The following PGM2L1 variants were observed in gnomAD, a reference collection of about 807,000 sequenced individuals.
PGM2L1 encodes phosphoglucomutase 2 like 1.
In PGM2L1, 35 loss-of-function variants were observed where a neutral mutation model predicts 73.4. The observed-to-expected ratio is 0.48, with a 90% CI of 0.36 to 0.63. PGM2L1 has a LOEUF of 0.63. Ranked by LOEUF, PGM2L1 falls within the 30% of genes least tolerant of loss-of-function variation. The pLI, the probability that PGM2L1 is intolerant of heterozygous loss-of-function variation, is 0.00. For synonymous variants in PGM2L1, 225 were observed against 253.8 expected, an observed-to-expected ratio of 0.89 and a Z score of 1.08; for missense variants, 570 against 742.0, an observed-to-expected ratio of 0.77 and a Z score of 2.69.
At chr11:74,365,596 C>T (rs1055505011) in intron 5 of PGM2L1, among the ~76,000 whole-genome samples, 2 of 152,088 alleles carry the variant, frequency 1.3e-5, no homozygotes, top group Non-Finnish European at 2.9e-5. Context: ...ATGCAGCCAA[C>T]AGACACATGA....
chr11:74,375,853 A>G (rs1431183113), intron 1 of PGM2L1, among the ~76,000 whole-genome samples: 1 of 152,232 alleles, frequency 6.6e-6, no homozygotes, highest in African/African-American at 2.4e-5. Flanking sequence ...AAATATGAAT[A>G]GCTATTATGG....
chr11:74,336,301 T>C lies in PGM2L1; in HGVS notation c.*351A>G, dbSNP rs1862094124. 1 of 156,870 alleles carries C rather than the reference T, an allele frequency of 6.4e-6. No homozygotes were observed. The highest frequency in any genetic ancestry group is 1.4e-5 in the Non-Finnish European group (1 of 71,382). 9.7% of individuals were successfully genotyped at this position (156,870 alleles called of 1,614,324 possible). ...TTTTTTTTTTTCTTTTACCATGCTA[T>C]ACACAATTACGAGATACAGAACTAG... is the stretch of plus-strand genomic sequence containing the variant. On this transcript the variant is annotated 3_prime_UTR_variant, in exon 14 of 14. Transcript: ENST00000298198.
intron 6 of PGM2L1, among the ~76,000 whole-genome samples, chr11:74,350,476 C>A (rs573886983): frequency 6.6e-6 from 1 of 152,230 alleles, no homozygotes; most frequent in Non-Finnish European, 1.5e-5. Flanking sequence ...AATTCACATA[C>A]CATATAATTC....
Position 74,330,335 on chromosome 11 carries a change from A to G in PGM2L1, c.*6317T>C, listed in dbSNP as rs1454821068. Reference sequence around the variant, plus strand: ...CTCATGCCTATGAAGAGACCTGTTTATTACTGATAACACTTCATTTGGCTA... The same window carrying G: ...CTCATGCCTATGAAGAGACCTGTTTGTTACTGATAACACTTCATTTGGCTA... On this transcript the variant is annotated 3_prime_UTR_variant, in exon 14 of 14. Coordinates refer to ENST00000298198, the MANE Select transcript of PGM2L1 (RefSeq NM_173582.6). The G allele has an allele frequency of 2.0e-5, 3 of 152,676 alleles. No homozygotes were observed. Among genetic ancestry groups the G allele is most frequent in the African/African-American group, 7.2e-5 (3 of 41,466 alleles). The allele number at this position is 152,676 out of a possible 1,614,324, so 9.5% of individuals were successfully genotyped here.
chr11:74,350,905 GAGAGAGAGAGAGAA>G (rs1236976385), intron 6 of PGM2L1, among the ~76,000 whole-genome samples: 7,993 of 150,634 alleles, frequency 0.053, 659 homozygotes, highest in African/African-American at 0.19. Flanking sequence ...GAAAGAGAGA[GAGAGAGAGAGAGAA>G]AGAGAGAGAG....
chr11:74,365,673 C>G (rs1299656527), intron 5 of PGM2L1, among the ~76,000 whole-genome samples: 2 of 152,160 alleles, frequency 1.3e-5, no homozygotes, highest in Non-Finnish European at 2.9e-5. Flanking sequence ...TACCATCTCA[C>G]ACCAGTTAGA....
intron 1 of PGM2L1, among the ~76,000 whole-genome samples, chr11:74,381,136 T>C (rs1406071487): frequency 6.6e-6 from 1 of 152,190 alleles, no homozygotes; most frequent in Non-Finnish European, 1.5e-5. Flanking sequence ...TCCAGTAGCA[T>C]CTATTACTAG....
At chr11:74,381,088 TG>T (rs1256557800) in intron 1 of PGM2L1, among the ~76,000 whole-genome samples, 1 of 152,168 alleles carries the variant, frequency 6.6e-6, no homozygotes, top group Non-Finnish European at 1.5e-5. Flanking sequence ...TGTCAGTAAG[TG>T]ATCATGTGAG....
rs1428435051 is a variant in PGM2L1, at chr11:74,336,655, A to T, written c.1866T>A (p.Val622=). ...GTCATGACATATTGGTGTACCCCTA[A>T]ACAGAACGCCAGATCAGTCCATTCT... ...PSKNGLIWRS[V] Residue 622 remains valine, a synonymous_variant, in exon 14 of 14, where the codon GTT becomes GTA. Coordinates refer to ENST00000298198, the MANE Select transcript of PGM2L1 (RefSeq NM_173582.6). The T allele has an allele frequency of 1.9e-6, 3 of 1,601,854 alleles. No homozygotes were observed. In the South Asian group the frequency reaches 3.3e-5, roughly 18 times the overall value.
chr11:74,375,689 T>A (rs568960932), intron 1 of PGM2L1, among the ~76,000 whole-genome samples: 1 of 152,232 alleles, frequency 6.6e-6, no homozygotes, highest in Non-Finnish European at 1.5e-5. Context: ...ATAGTAGAAA[T>A]TAAAGTAACC....
chr11:74,337,443 T>C (rs1168441714), intron 13 of PGM2L1, among the ~76,000 whole-genome samples: 1 of 152,230 alleles, frequency 6.6e-6, no homozygotes, highest in Non-Finnish European at 1.5e-5. Flanking sequence ...GGAAATGAAA[T>C]CTATCCTTAA....
chr11:74,361,235 T>C (rs1862558748), intron 5 of PGM2L1, among the ~76,000 whole-genome samples: 1 of 152,208 alleles, frequency 6.6e-6, no homozygotes, highest in Non-Finnish European at 1.5e-5. Context: ...ACATTTGCTG[T>C]TCAGCAATAT....
chr11:74,341,312 T>G (rs574278747), intron 12 of PGM2L1, among the ~76,000 whole-genome samples: 85 of 152,326 alleles, frequency 5.6e-4, no homozygotes, highest in African/African-American at 1.7e-3. Flanking sequence ...TTGATGCAGG[T>G]GAACCCCCAA....
chr11:74,379,034 T>C (rs952065118), intron 1 of PGM2L1, among the ~76,000 whole-genome samples: 6 of 152,304 alleles, frequency 3.9e-5, no homozygotes, highest in African/African-American at 7.2e-5. Context: ...CAATGAGAAG[T>C]GCGTTAGTTT....
chr11:74,347,643 A>G (rs1245457029), intron 6 of PGM2L1, among the ~76,000 whole-genome samples: 1 of 152,188 alleles, frequency 6.6e-6, no homozygotes, highest in Non-Finnish European at 1.5e-5. Flanking sequence ...CTAGACCATC[A>G]CAAACACTTC....
intron 12 of PGM2L1, among the ~76,000 whole-genome samples, chr11:74,341,874 AGTTCGTGGAACCAAGG>A (rs1336601400): frequency 6.6e-6 from 1 of 152,166 alleles, no homozygotes; most frequent in African/African-American, 2.4e-5. Flanking sequence ...AAGTGTGAGG[AGTTCGTGGAACCAAGG>A]GTTCCTCCAC....
At position 74,351,975 on chromosome 11, in the gene PGM2L1, AAT is replaced by A. The variant is rs200454489; in HGVS notation, c.556-401_556-400del. 7.7e-5 allele frequency among the ~76,000 whole-genome samples: 11 copies of A among 142,794 alleles called. No homozygotes were observed. The East Asian group carries it at 8.2e-4, about 11-fold the overall frequency. The allele number at this position is 142,794 out of a possible 152,430, so 93.7% of individuals were successfully genotyped here. A position where few individuals can be genotyped will look rare whatever the true frequency, so the allele number is the denominator to read the frequency against. ...AGACTCTGTCTCAAAAAAAAAAATAAATAAAAATAAAAATAAAAATAAAGCAT... is the reference window on the plus strand; with the variant it reads ...AGACTCTGTCTCAAAAAAAAAAATAAAAAAATAAAAATAAAAATAAAGCAT... On this transcript the variant is annotated intron_variant, in intron 5 of 13. Transcript: ENST00000298198.
At position 74,346,736 on chromosome 11, in the gene PGM2L1, C is replaced by T; in HGVS notation, c.1033G>A (p.Glu345Lys). 1.2e-6 allele frequency: 2 copies of T among 1,612,382 alleles called. No homozygotes were observed. Among genetic ancestry groups the T allele is most frequent in the Non-Finnish European group, 1.7e-6 (2 of 1,178,478 alleles). ...CAAATAACAGATTCTACATACTTCT[C>T]CTGAAGTTCTGCTGCTGCCAGTCTG... ...ADRLAAAELQ[E>K]NGCWKVFTGN... is the part of the protein sequence containing the mutation. Residue 345 changes from glutamate to lysine, a missense_variant, in exon 8 of 14, where the codon GAG becomes AAG. Coordinates refer to ENST00000298198, the MANE Select transcript of PGM2L1 (RefSeq NM_173582.6).
rs117409920 is a variant in PGM2L1, at chr11:74,332,831, T to G, written c.*3821A>C. On this transcript the variant is annotated 3_prime_UTR_variant, in exon 14 of 14. Transcript: ENST00000298198. ...GAACCTCTCCATCTGCTAACGTATC[T>G]ACATCAAAATAACAACATATATATT... is the stretch of plus-strand genomic sequence containing the variant. 8 of 152,664 alleles carry G rather than the reference T, an allele frequency of 5.2e-5. No individual in the cohort carries two copies. The highest frequency in any genetic ancestry group is 8.8e-5 in the Non-Finnish European group (6 of 68,026). 9.5% of individuals were successfully genotyped at this position (152,664 alleles called of 1,614,324 possible). A position where few individuals can be genotyped will look rare whatever the true frequency, so the allele number is the denominator to read the frequency against.
Sources: gnomAD v4.1 joint callset for allele counts (sites outside exome capture counted in the v4.1 genomes callset) on GRCh38, gnomAD v4.1.1 for gene constraint, MANE v1.5 for transcripts, NCBI Gene and HGNC (gene_info 2026-07-23, HGNC 2026-07-21) for gene names.